Variants in TES observed in about 807,000 individuals in gnomAD.
TES encodes the protein testin.
TES carries 41 observed loss-of-function variants against 48.2 expected under a neutral mutation model. That is an observed-to-expected ratio of 0.85 (90% CI 0.66 to 1.10). The LOEUF (loss-of-function observed/expected upper bound fraction) is 1.10. Ranked by LOEUF, TES falls within the 50% of genes least tolerant of loss-of-function variation. The pLI is 0.00. For missense variants in TES, 463 were observed against 515.1 expected (o/e 0.90, Z 0.98); for synonymous variants, 162 against 174.9 (o/e 0.93, Z 0.58).
chr7:116,244,842 G>A (rs535549827), intron 2 of TES, among the ~76,000 whole-genome samples: 1 of 152,296 alleles, frequency 6.6e-6, no homozygotes, highest in African/African-American at 2.4e-5. Flanking sequence ...AACATCAGTT[G>A]TTGTCTTCTG....
intron 6 of TES, chr7:116,255,060 T>A (rs1301381772): frequency 6.6e-6 from 1 of 150,540 alleles, no homozygotes; most frequent in Non-Finnish European, 1.5e-5. Context: ...CCAAACAACA[T>A]TTCTGAGAAA....
chr7:116,245,019 G>C (rs969721268), intron 2 of TES, among the ~76,000 whole-genome samples: 2 of 152,118 alleles, frequency 1.3e-5, no homozygotes, highest in African/African-American at 4.8e-5. Flanking sequence ...AGGGATCCCT[G>C]GGCGTGGTCC....
chr7:116,213,740 T>C (rs1191740782), intron 1 of TES, among the ~76,000 whole-genome samples: 1 of 152,376 alleles, frequency 6.6e-6, no homozygotes, highest in East Asian at 1.9e-4. Context: ...AATAATACTT[T>C]AGAACAGAAT....
chr7:116,238,082 C>T (rs138125307), intron 2 of TES: 1 of 152,344 alleles, frequency 6.6e-6, no homozygotes, highest in East Asian at 1.9e-4. Flanking sequence ...TGTTAGGAAT[C>T]ATTTTCCTTT....
At chr7:116,224,777 C>CTT (rs1799601989) in intron 1 of TES, among the ~76,000 whole-genome samples, 1 of 151,996 alleles carries the variant, frequency 6.6e-6, no homozygotes, top group African/African-American at 2.4e-5. Context: ...AATGAGCAGT[C>CTT]TTTAAGATCA....
At chr7:116,220,417 C>T (rs369537429) in intron 1 of TES, among the ~76,000 whole-genome samples, 57 of 152,114 alleles carry the variant, frequency 3.7e-4, no homozygotes, top group African/African-American at 1.3e-3. Flanking sequence ...AAGGAAGCAG[C>T]GCAGACTTTG....
chr7:116,257,620 G>C lies in TES; in HGVS notation c.*138G>C, dbSNP rs1282151356. The C allele has an allele frequency of 4.6e-5, 42 of 908,118 alleles. No individual in the cohort carries two copies. Among genetic ancestry groups the C allele is most frequent in the Non-Finnish European group, 6.1e-5 (41 of 674,228 alleles). The allele number at this position is 908,118 out of a possible 1,614,324, so 56.3% of individuals were successfully genotyped here. On this transcript the variant is annotated 3_prime_UTR_variant, in exon 7 of 7. Transcript: ENST00000358204. ...CAAGAGATTTTGTTTAATTTTTTTG[G>C]CCATTTTTTCTTCATCAATTTTTTT...
intron 1 of TES, 122 bp from the exon 2 acceptor site, chr7:116,234,412 T>C (rs12670683): frequency 0.31 from 241,746 of 782,666 alleles, 39,944 homozygotes; most frequent in East Asian, 0.58. Flanking sequence ...ATTGACTAAA[T>C]ATAAGATTTG....
chr7:116,222,476 G>T (rs1799568487), intron 1 of TES, among the ~76,000 whole-genome samples: 1 of 152,134 alleles, frequency 6.6e-6, no homozygotes, highest in Admixed American at 6.5e-5. Flanking sequence ...GCTCCAGTTA[G>T]ATAGTTAAAG....
At chr7:116,215,552 A>G (rs1348122179) in intron 1 of TES, among the ~76,000 whole-genome samples, 1 of 152,190 alleles carries the variant, frequency 6.6e-6, no homozygotes, top group Non-Finnish European at 1.5e-5. Context: ...AAGAAATAGC[A>G]TAAACTCCAA....
intron 2 of TES, among the ~76,000 whole-genome samples, chr7:116,246,195 A>G (rs1799921218): frequency 6.6e-6 from 1 of 152,284 alleles, no homozygotes; most frequent in South Asian, 2.1e-4. Flanking sequence ...TTTCATCTCC[A>G]CTGTTGAATA....
chr7:116,237,908 C>G (rs762948314), intron 2 of TES: 3 of 152,098 alleles, frequency 2.0e-5, no homozygotes, highest in African/African-American at 4.8e-5. Flanking sequence ...TCACCTATTC[C>G]AATGGATTGT....
chr7:116,232,717 A>G (rs901661145), intron 1 of TES, among the ~76,000 whole-genome samples: 1 of 143,158 alleles, frequency 7.0e-6, no homozygotes, highest in African/African-American at 2.4e-5. Flanking sequence ...CAAGGAAACA[A>G]TTTAATTGCT....
intron 1 of TES, among the ~76,000 whole-genome samples, chr7:116,226,494 A>C (rs1584613576): frequency 2.6e-5 from 4 of 152,138 alleles, no homozygotes. Flanking sequence ...GCTGGAGGGG[A>C]GTGGTGTGAG....
chr7:116,210,882 CT>C (rs1584605630), intron 1 of TES, 148 bp downstream of exon 1: 1 of 640,822 alleles, frequency 1.6e-6, no homozygotes, highest in Non-Finnish European at 2.2e-6. Flanking sequence ...GCCCAGGGAC[CT>C]GGCCCCCTGG....
chr7:116,226,638 A>C (rs577148885), intron 1 of TES, among the ~76,000 whole-genome samples: 3 of 152,344 alleles, frequency 2.0e-5, no homozygotes, highest in Non-Finnish European at 4.4e-5. Context: ...AATTTTGAGA[A>C]TAGCAATACA....
chr7:116,246,590 A>G (rs1053517506), intron 2 of TES, among the ~76,000 whole-genome samples: 1 of 151,862 alleles, frequency 6.6e-6, no homozygotes, highest in African/African-American at 2.4e-5. Context: ...AGTCATACCA[A>G]CCTCCCCTGG....
intron 1 of TES, chr7:116,223,156 T>A: frequency 8.4e-6 from 2 of 238,002 alleles, no homozygotes; most frequent in Non-Finnish European, 1.4e-5. Context: ...GTCGCTTACC[T>A]GAAATAAGTA....
Position 116,210,539 on chromosome 7 carries a change from G to C in TES, c.-169G>C. On this transcript the variant is annotated 5_prime_UTR_variant, in exon 1 of 7. Transcript: ENST00000358204. ...GTTCCCGGGTCCGGGCCGCAGGCCC[G>C]CTGCGGCGGACTGGGCGGCGGAAGT... 2 of 708,852 alleles carry C rather than the reference G, an allele frequency of 2.8e-6. No individual in the cohort carries two copies. The highest frequency in any genetic ancestry group is 4.0e-6 in the Non-Finnish European group (2 of 504,152). 43.9% of individuals were successfully genotyped at this position (708,852 alleles called of 1,614,324 possible). A position where few individuals can be genotyped will look rare whatever the true frequency, so the allele number is the denominator to read the frequency against.
Sources: allele counts gnomAD v4.1 joint callset (sites outside exome capture counted in the v4.1 genomes callset), GRCh38; gene constraint gnomAD v4.1.1; transcripts MANE v1.5; gene names NCBI Gene and HGNC (gene_info 2026-07-23, HGNC 2026-07-21).